KIN: variants seen among roughly 807,000 people sequenced by gnomAD.
The protein encoded by KIN is DNA/RNA-binding protein KIN17.
A neutral mutation model predicts 63.0 loss-of-function variants in KIN; 47 were observed. That is an observed-to-expected ratio of 0.75 (90% CI 0.59 to 0.95). The LOEUF is 0.95. Among genes scored for constraint, KIN ranks in the 40% least tolerant of loss-of-function variants. The probability of loss-of-function intolerance (pLI) is 0.00; values close to 1 mark genes in which losing one functional copy is unlikely to be tolerated. For missense variants in KIN, 408 were observed against 460.9 expected (o/e 0.89, Z 1.05); for synonymous variants, 160 against 157.7 (o/e 1.01, Z -0.11).
intron 5 of KIN, 120 bp downstream of exon 5, chr10:7,778,718 G>C: frequency 9.8e-7 from 1 of 1,021,514 alleles, no homozygotes; most frequent in Admixed American, 2.2e-5. Context: ...CAGCCTGGGC[G>C]GCAGAGCAAG....
Position 7,753,126 on chromosome 10 carries a change from T to G in KIN, c.*2954A>C, listed in dbSNP as rs987410844. ...CTAATATGAGACCTGTTGTTAGTTA[T>G]CTGCAGTCATTTTGCTTAGCATAAA... On this transcript the variant is annotated 3_prime_UTR_variant, in exon 13 of 13. Coordinates refer to ENST00000379562, the MANE Select transcript of KIN (RefSeq NM_012311.4). The G allele has an allele frequency of 6.6e-6, 1 of 152,224 alleles. No individual in the cohort carries two copies. The highest frequency in any genetic ancestry group is 1.5e-5 in the Non-Finnish European group (1 of 68,044). The allele number at this position is 152,224 out of a possible 1,614,324, so 9.4% of individuals were successfully genotyped here.
chr10:7,766,162 A>C, intron 8 of KIN, 59 bp from the exon 9 acceptor site: 1 of 1,188,546 alleles, frequency 8.4e-7, no homozygotes, highest in Non-Finnish European at 1.2e-6. Context: ...ATTTCAAAAT[A>C]CCATTCTATT....
intron 12 of KIN, among the ~76,000 whole-genome samples, chr10:7,758,532 G>A (rs746470713): frequency 6.6e-5 from 10 of 152,132 alleles, no homozygotes; most frequent in East Asian, 3.8e-4. Flanking sequence ...CACAACCTGC[G>A]AACCAAAGGT....
intron 12 of KIN, among the ~76,000 whole-genome samples, chr10:7,758,098 C>T (rs1373017510): frequency 7.8e-6 from 1 of 128,102 alleles, no homozygotes; most frequent in African/African-American, 2.9e-5. Context: ...TTTTTTGAGA[C>T]GGAGTCTCGC....
intron 8 of KIN, among the ~76,000 whole-genome samples, chr10:7,766,615 G>A (rs1835548043): frequency 1.3e-5 from 2 of 152,030 alleles, no homozygotes; most frequent in East Asian, 1.9e-4. Context: ...AAAGAGAGCT[G>A]TGGGGCTGTA....
At chr10:7,763,852 T>A in intron 9 of KIN, 61 bp from the exon 10 acceptor site, 1 of 840,678 alleles carries the variant, frequency 1.2e-6, no homozygotes, top group Non-Finnish European at 1.9e-6. Flanking sequence ...GTCATTTACT[T>A]CTTCCTTTTA....
At chr10:7,759,817 A>G in intron 12 of KIN, 73 bp downstream of exon 12, 1 of 778,364 alleles carries the variant, frequency 1.3e-6, no homozygotes, top group Non-Finnish European at 2.2e-6. Flanking sequence ...AATAAAGAAC[A>G]ATCCAATTAA....
intron 8 of KIN, among the ~76,000 whole-genome samples, chr10:7,766,735 A>T (rs1320490043): frequency 6.6e-6 from 1 of 152,128 alleles, no homozygotes; most frequent in Non-Finnish European, 1.5e-5. Flanking sequence ...TTCGAAACCT[A>T]ATTTTAGGCT....
At chr10:7,756,594 C>A (rs546145653) in intron 12 of KIN, among the ~76,000 whole-genome samples, 1 of 152,284 alleles carries the variant, frequency 6.6e-6, no homozygotes, top group Non-Finnish European at 1.5e-5. Context: ...CACTTGAGGG[C>A]AGTAGAGGCA....
At chr10:7,759,407 AG>A (rs1835395159) in intron 12 of KIN, among the ~76,000 whole-genome samples, 2 of 152,124 alleles carry the variant, frequency 1.3e-5, no homozygotes, top group Non-Finnish European at 2.9e-5. Context: ...TTATGAAAAA[AG>A]GGGAGACATT....
Position 7,772,165 on chromosome 10 carries a change from T to TA in KIN, c.668+2665dup, listed in dbSNP as rs1200585587. ...ATCACAAAAGTCACTTAATAGTATG[T>TA]AAAAAAATTCGAGGTCATCTTAGAG... On this transcript the variant is annotated intron_variant, in intron 7 of 12. Coordinates refer to ENST00000379562, the MANE Select transcript of KIN (RefSeq NM_012311.4). Among the ~76,000 whole-genome samples, 3 of 152,036 alleles carry TA rather than the reference T, an allele frequency of 2.0e-5. No individual in the cohort carries two copies. In the East Asian group the frequency reaches 5.8e-4, roughly 29 times the overall value.
At chr10:7,774,782 T>C (rs1340280460) in intron 7 of KIN, 49 bp downstream of exon 7, 2 of 1,411,152 alleles carry the variant, frequency 1.4e-6, no homozygotes, top group Non-Finnish European at 2.0e-6. Context: ...TAACCAATAT[T>C]TCACAAAAAT....
chr10:7,759,192 C>T (rs1177502386), intron 12 of KIN, among the ~76,000 whole-genome samples: 1 of 152,092 alleles, frequency 6.6e-6, no homozygotes, highest in Admixed American at 6.5e-5. Flanking sequence ...ACTGACTGTA[C>T]TGGAGATAAA....
chr10:7,756,169 G>T (rs1835329453), intron 12 of KIN, 27 bp from the exon 13 acceptor site: 10 of 1,411,868 alleles, frequency 7.1e-6, no homozygotes, highest in Non-Finnish European at 8.7e-6. Flanking sequence ...TTTAAAATAA[G>T]GTTAAAAACA....
chr10:7,787,470 C>T (rs372216680), intron 1 of KIN, among the ~76,000 whole-genome samples: 4 of 152,214 alleles, frequency 2.6e-5, no homozygotes, highest in Admixed American at 2.6e-4. Context: ...AGAGTCAAGT[C>T]AAGTAAGAGC....
At position 7,754,540 on chromosome 10, in the gene KIN, G is replaced by A. The variant is rs1166726031; in HGVS notation, c.*1540C>T. 2 of 153,834 alleles carry A rather than the reference G, an allele frequency of 1.3e-5. No homozygotes were observed. The highest frequency in any genetic ancestry group is 6.5e-5 in the Admixed American group (1 of 15,342). The allele number at this position is 153,834 out of a possible 1,614,324, so 9.5% of individuals were successfully genotyped here. A position where few individuals can be genotyped will look rare whatever the true frequency, so the allele number is the denominator to read the frequency against. On this transcript the variant is annotated 3_prime_UTR_variant, in exon 13 of 13. Transcript: ENST00000379562. ...CCCAGCTACTCAGGAGGCTGAGGCA[G>A]GAGAATGGCTTGAACCCGGGAGGTG...
At chr10:7,768,054 A>G (rs12761309) in intron 8 of KIN, among the ~76,000 whole-genome samples, 6,405 of 152,094 alleles carry the variant, frequency 0.042, 283 homozygotes, top group East Asian at 0.24. Flanking sequence ...AAGGTAGGCT[A>G]TGTGTTAGAA....
chr10:7,763,592 C>T, intron 10 of KIN, 131 bp downstream of exon 10: 1 of 622,408 alleles, frequency 1.6e-6, no homozygotes, highest in Admixed American at 3.3e-5. Flanking sequence ...GCTTCCATTT[C>T]ATGGAATAAT....
chr10:7,771,465 A>C (rs528755366), intron 7 of KIN, among the ~76,000 whole-genome samples: 217 of 152,334 alleles, frequency 1.4e-3, no homozygotes, highest in African/African-American at 5.0e-3. Flanking sequence ...CTCCTCTACC[A>C]ATCTCCATGA....
Sources: allele counts gnomAD v4.1 joint callset (sites outside exome capture counted in the v4.1 genomes callset), GRCh38; gene constraint gnomAD v4.1.1; transcripts MANE v1.5; gene names NCBI Gene and HGNC (gene_info 2026-07-23, HGNC 2026-07-21).